The following ADAMTSL1 variants were observed in gnomAD, a reference collection of about 807,000 sequenced individuals.
The protein encoded by ADAMTSL1 is ADAMTS-like protein 1.
Under a neutral mutation model 201.8 loss-of-function variants are expected in ADAMTSL1, and 126 were observed. The ratio of observed to expected loss-of-function variants is 0.62; its 90% CI spans 0.54 to 0.72. The LOEUF is 0.72. Ranked by LOEUF, ADAMTSL1 falls within the 30% of genes least tolerant of loss-of-function variation. The pLI, the probability that ADAMTSL1 is intolerant of heterozygous loss-of-function variation, is 0.00. For missense variants in ADAMTSL1, 2,679 were observed against 2,277.8 expected (o/e 1.18, Z -3.59); for synonymous variants, 1,121 against 903.4 (o/e 1.24, Z -4.32).
At chr9:18,024,603 T>C (rs915471611) in intron 1 of ADAMTSL1, among the ~76,000 whole-genome samples, 1 of 152,154 alleles carries the variant, frequency 6.6e-6, no homozygotes, top group Non-Finnish European at 1.5e-5. Flanking sequence ...ATTCCATTCT[T>C]TTTTATGGCC....
chr9:18,216,612 T>G (rs566146142), intron 2 of ADAMTSL1, among the ~76,000 whole-genome samples: 134 of 150,970 alleles, frequency 8.9e-4, no homozygotes, highest in African/African-American at 3.2e-3. Context: ...CATAACAGAT[T>G]TGGGCACGCA....
At chr9:18,708,682 T>C (rs1486156863) in intron 14 of ADAMTSL1, among the ~76,000 whole-genome samples, 5 of 152,172 alleles carry the variant, frequency 3.3e-5, no homozygotes, top group Non-Finnish European at 7.3e-5. Flanking sequence ...CCAATTTCCA[T>C]GATCACCTGA....
chr9:18,175,131 G>A (rs1828083272), intron 2 of ADAMTSL1, among the ~76,000 whole-genome samples: 1 of 152,096 alleles, frequency 6.6e-6, no homozygotes, highest in Admixed American at 6.5e-5. Context: ...TGTGTTGTTG[G>A]GTTGAAGCTT....
At chr9:18,543,942 C>T (rs111317594) in intron 3 of ADAMTSL1, among the ~76,000 whole-genome samples, 1 of 152,102 alleles carries the variant, frequency 6.6e-6, no homozygotes, top group Non-Finnish European at 1.5e-5. Flanking sequence ...TCTCCTATCC[C>T]TTCTCCTTAA....
chr9:18,709,398 C>G (rs1327288953), intron 14 of ADAMTSL1, among the ~76,000 whole-genome samples: 1 of 152,108 alleles, frequency 6.6e-6, no homozygotes, highest in Non-Finnish European at 1.5e-5. Context: ...GCAGGATTAA[C>G]AAATAGATTT....
At chr9:18,644,511 A>G (rs1228016603) in intron 7 of ADAMTSL1, among the ~76,000 whole-genome samples, 1 of 151,882 alleles carries the variant, frequency 6.6e-6, no homozygotes, top group Non-Finnish European at 1.5e-5. Flanking sequence ...GGTATTAGGT[A>G]TATCTCCTAA....
rs532991188 is a variant in ADAMTSL1 at position 18,111,707 on chromosome 9, T to A, written c.88-52155T>A. Among the ~76,000 whole-genome samples the A allele has an allele frequency of 5.3e-5, 8 of 152,314 alleles. No individual in the cohort carries two copies. In the East Asian group the frequency reaches 1.4e-3, roughly 26 times the overall value. ...AGTTTTGTACATTCAGGTGCTCATGTAGTTAAATAATACAGATACTTTCTT... is the reference window on the plus strand; with the variant it reads ...AGTTTTGTACATTCAGGTGCTCATGAAGTTAAATAATACAGATACTTTCTT... On this transcript the variant is annotated intron_variant, in intron 1 of 29. Transcript: ENST00000680146.
chr9:18,329,225 C>G (rs1265930754), intron 2 of ADAMTSL1, among the ~76,000 whole-genome samples: 1 of 152,102 alleles, frequency 6.6e-6, no homozygotes, highest in Non-Finnish European at 1.5e-5. Flanking sequence ...AGGCTGTTAC[C>G]AGACACTGAA....
intron 1 of ADAMTSL1, among the ~76,000 whole-genome samples, chr9:18,148,093 G>A (rs999594098): frequency 2.0e-5 from 3 of 151,986 alleles, no homozygotes; most frequent in Non-Finnish European, 4.4e-5. Context: ...CTGCTTCATC[G>A]ATGTAAAGAA....
chr9:18,194,917 GATACATCTTTTCAGAAGTT>G (rs1490295323), intron 2 of ADAMTSL1, among the ~76,000 whole-genome samples: 4 of 152,066 alleles, frequency 2.6e-5, no homozygotes, highest in African/African-American at 2.4e-5. Flanking sequence ...TGACACACAA[GATACATCTTTTCAGAAGTT>G]ATTAGCTTCT....
At chr9:18,461,152 C>A (rs1290514483) in intron 2 of ADAMTSL1, among the ~76,000 whole-genome samples, 1 of 152,082 alleles carries the variant, frequency 6.6e-6, no homozygotes, top group Non-Finnish European at 1.5e-5. Context: ...AATATTACTT[C>A]ATTGTTAAGA....
intron 2 of ADAMTSL1, among the ~76,000 whole-genome samples, chr9:18,468,797 C>G (rs111523996): frequency 6.6e-6 from 1 of 152,184 alleles, no homozygotes; most frequent in African/African-American, 2.4e-5. Flanking sequence ...AACCAAGCAC[C>G]TACAGTATGA....
At position 18,021,768 on chromosome 9, in the gene ADAMTSL1, T is replaced by C. The variant is rs555846342; in HGVS notation, c.87+114846T>C. 6.6e-5 allele frequency among the ~76,000 whole-genome samples: 10 copies of C among 152,260 alleles called. 1 individual carries two copies. The highest frequency in any genetic ancestry group is 2.4e-4 in the African/African-American group (10 of 41,564). ...GTGCCAGGAAATTATTCTATTTATA[T>C]ACTCTTTTAAGCTTATTGCAGATGT... On this transcript the variant is annotated intron_variant, in intron 1 of 29. Coordinates refer to the ADAMTSL1 transcript ENST00000680146.
intron 2 of ADAMTSL1, among the ~76,000 whole-genome samples, chr9:18,303,307 C>T (rs1408032217): frequency 6.6e-6 from 1 of 152,186 alleles, no homozygotes; most frequent in Non-Finnish European, 1.5e-5. Context: ...CCCTGAAGAC[C>T]TTTCTCCACA....
intron 3 of ADAMTSL1, among the ~76,000 whole-genome samples, chr9:18,547,187 A>C (rs989865550): frequency 6.6e-6 from 1 of 152,154 alleles, no homozygotes; most frequent in African/African-American, 2.4e-5. Flanking sequence ...AATGTTTTAA[A>C]ATTGGAGGGA....
intron 1 of ADAMTSL1, among the ~76,000 whole-genome samples, chr9:18,150,244 G>A (rs918252761): frequency 1.3e-5 from 2 of 152,062 alleles, no homozygotes; most frequent in East Asian, 3.9e-4. Flanking sequence ...TGGAGCACCA[G>A]AGAGCAACAG....
chr9:18,260,667 C>T (rs929866304), intron 2 of ADAMTSL1, among the ~76,000 whole-genome samples: 2 of 152,202 alleles, frequency 1.3e-5, no homozygotes, highest in Non-Finnish European at 2.9e-5. Flanking sequence ...TACTTGTTGC[C>T]TCTGGAAGCC....
chr9:18,546,877 T>C (rs1329608066), intron 3 of ADAMTSL1, among the ~76,000 whole-genome samples: 1 of 152,150 alleles, frequency 6.6e-6, no homozygotes, highest in Non-Finnish European at 1.5e-5. Flanking sequence ...GCATCCTATG[T>C]AGATTTCTTT....
intron 4 of ADAMTSL1, among the ~76,000 whole-genome samples, chr9:18,588,271 C>G (rs1419934300): frequency 6.6e-6 from 1 of 152,136 alleles, no homozygotes; most frequent in Admixed American, 6.5e-5. Flanking sequence ...TGTCTTCCTT[C>G]AACAAATATC....
Sources: gnomAD v4.1 joint callset for allele counts (sites outside exome capture counted in the v4.1 genomes callset) on GRCh38, gnomAD v4.1.1 for gene constraint, MANE v1.5 for transcripts, NCBI Gene and HGNC (gene_info 2026-07-23, HGNC 2026-07-21) for gene names.